ADAMTSL1: variants seen among roughly 807,000 people sequenced by gnomAD.
ADAMTSL1 encodes the protein ADAMTS-like protein 1.
ADAMTSL1 carries 126 observed loss-of-function variants against 201.8 expected under a neutral mutation model. The ratio of observed to expected loss-of-function variants is 0.62; its 90% confidence interval spans 0.54 to 0.72. The LOEUF is 0.72. Among genes scored for constraint, ADAMTSL1 ranks in the 30% least tolerant of loss-of-function variants. The pLI is 0.00. For missense variants in ADAMTSL1, 2,679 were observed against 2,277.8 expected (o/e 1.18, Z -3.59); for synonymous variants, 1,121 against 903.4 (o/e 1.24, Z -4.32).
At chr9:18,784,822 G>T (rs544533585) in intron 19 of ADAMTSL1, among the ~76,000 whole-genome samples, 1 of 152,176 alleles carries the variant, frequency 6.6e-6, no homozygotes, top group Admixed American at 6.5e-5. Context: ...TATTGGAGTT[G>T]AAGCACGGAG....
intron 2 of ADAMTSL1, among the ~76,000 whole-genome samples, chr9:18,395,701 C>T (rs1817726635): frequency 6.6e-6 from 1 of 152,148 alleles, no homozygotes; most frequent in Non-Finnish European, 1.5e-5. Flanking sequence ...TCAAAGACCT[C>T]TGAGCCTGTG....
chr9:18,430,754 T>C (rs1237581836), intron 2 of ADAMTSL1, among the ~76,000 whole-genome samples: 4 of 152,124 alleles, frequency 2.6e-5, no homozygotes, highest in Non-Finnish European at 4.4e-5. Flanking sequence ...AGAACGAAAA[T>C]TGTACATCTC....
At chr9:18,199,682 A>T (rs1337378986) in intron 2 of ADAMTSL1, among the ~76,000 whole-genome samples, 1 of 152,084 alleles carries the variant, frequency 6.6e-6, no homozygotes, top group African/African-American at 2.4e-5. Flanking sequence ...AAATAAGCTG[A>T]TGCTGGTGGA....
At chr9:18,034,193 C>A (rs2131615364) in intron 1 of ADAMTSL1, among the ~76,000 whole-genome samples, 1 of 152,124 alleles carries the variant, frequency 6.6e-6, no homozygotes, top group Middle Eastern at 3.4e-3. Flanking sequence ...AACACTTTTT[C>A]TCACCCTTCT....
Position 18,684,894 on chromosome 9 carries a change from C to T in ADAMTSL1, c.1574+94C>T. 3 of 1,481,812 alleles carry T rather than the reference C, an allele frequency of 2.0e-6. No homozygotes were observed. In the South Asian group the frequency reaches 4.2e-5, roughly 21 times the overall value. 91.8% of individuals were successfully genotyped at this position (1,481,812 alleles called of 1,614,324 possible). A position where few individuals can be genotyped will look rare whatever the true frequency, so the allele number is the denominator to read the frequency against. On this transcript the variant is annotated intron_variant, in intron 13 of 28. Coordinates refer to ENST00000380548, the MANE Select transcript of ADAMTSL1 (RefSeq NM_001040272.6). ...GGTTGTAGCTTTCATGGGTTCTGAA[C>T]TAAGTGTAATCATCTCACCAAAGCT...
At chr9:18,559,161 T>C (rs1465849047) in intron 3 of ADAMTSL1, among the ~76,000 whole-genome samples, 1 of 152,170 alleles carries the variant, frequency 6.6e-6, no homozygotes, top group Admixed American at 6.6e-5. Context: ...TAAGTCTTAT[T>C]CCATCTTGAG....
chr9:18,099,254 A>C (rs1405183560), intron 1 of ADAMTSL1, among the ~76,000 whole-genome samples: 1 of 146,284 alleles, frequency 6.8e-6, no homozygotes, highest in East Asian at 2.0e-4. Context: ...GTTGCTCCTG[A>C]AAAATCTGAT....
chr9:17,907,923 G>A (rs1450683107), intron 1 of ADAMTSL1, among the ~76,000 whole-genome samples: 1 of 152,128 alleles, frequency 6.6e-6, no homozygotes, highest in Non-Finnish European at 1.5e-5. Context: ...ACTCTTGGCC[G>A]GAATTACCGC....
intron 1 of ADAMTSL1, among the ~76,000 whole-genome samples, chr9:18,053,725 C>T (rs552340406): frequency 3.8e-4 from 58 of 152,262 alleles, no homozygotes; most frequent in African/African-American, 1.3e-3. Context: ...TATTTACTGA[C>T]CACTCACAAT....
rs574807924 is a variant in ADAMTSL1 at position 18,207,137 on chromosome 9, C to T, written c.207+43156C>T. Among the ~76,000 whole-genome samples the T allele has an allele frequency of 1.5e-4, 22 of 151,222 alleles. No homozygotes were observed. In the East Asian group the frequency reaches 3.7e-3, roughly 25 times the overall value. ...CTGAGATCCCACCATTGTACTCCAG[C>T]CTGGGTGATAAGAGTGAAACTCCAT... On this transcript the variant is annotated intron_variant, in intron 2 of 29. Transcript: ENST00000680146.
At chr9:18,130,435 A>G (rs1202464550) in intron 1 of ADAMTSL1, among the ~76,000 whole-genome samples, 1 of 152,168 alleles carries the variant, frequency 6.6e-6, no homozygotes, top group Admixed American at 6.5e-5. Flanking sequence ...GGCTGTCACA[A>G]TGACATTTCT....
intron 2 of ADAMTSL1, among the ~76,000 whole-genome samples, chr9:18,443,790 C>T (rs1248737473): frequency 1.3e-5 from 2 of 152,108 alleles, no homozygotes; most frequent in African/African-American, 2.4e-5. Flanking sequence ...TCTGTTAAAA[C>T]GATCTTAGAA....
intron 2 of ADAMTSL1, among the ~76,000 whole-genome samples, chr9:18,320,311 A>G (rs1322809830): frequency 6.6e-6 from 1 of 152,210 alleles, no homozygotes; most frequent in Non-Finnish European, 1.5e-5. Flanking sequence ...GTTTGTGGTA[A>G]TTTGTTATGG....
intron 20 of ADAMTSL1, among the ~76,000 whole-genome samples, chr9:18,806,812 G>A (rs943203742): frequency 6.6e-6 from 1 of 152,188 alleles, no homozygotes; most frequent in African/African-American, 2.4e-5. Context: ...TCAAAATGGT[G>A]CCTGGTTGGC....
chr9:17,979,996 C>G (rs1818622773), intron 1 of ADAMTSL1, among the ~76,000 whole-genome samples: 1 of 152,102 alleles, frequency 6.6e-6, no homozygotes, highest in African/African-American at 2.4e-5. Flanking sequence ...CATTGAAATT[C>G]AATAGGGTGA....
chr9:18,409,339 C>T (rs369270415), intron 2 of ADAMTSL1, among the ~76,000 whole-genome samples: 4 of 141,208 alleles, frequency 2.8e-5, no homozygotes, highest in Admixed American at 7.4e-5. Context: ...ACCAAGATTG[C>T]GCCCCTGCAC....
chr9:18,776,044 A>G (rs1820966532), intron 18 of ADAMTSL1, 148 bp downstream of exon 18: 1 of 1,117,438 alleles, frequency 8.9e-7, no homozygotes, highest in Non-Finnish European at 1.2e-6. Flanking sequence ...AGGAGAGCTC[A>G]GCTGGAGACG....
At chr9:18,468,510 C>A (rs1219857721) in intron 2 of ADAMTSL1, among the ~76,000 whole-genome samples, 1 of 152,082 alleles carries the variant, frequency 6.6e-6, no homozygotes, top group Non-Finnish European at 1.5e-5. Flanking sequence ...AGGCTCTGAG[C>A]TAAACACTCT....
chr9:18,845,010 C>T (rs963465221), intron 23 of ADAMTSL1, among the ~76,000 whole-genome samples: 7 of 152,258 alleles, frequency 4.6e-5, no homozygotes, highest in African/African-American at 1.4e-4. Flanking sequence ...CAATGCCTCG[C>T]CCTGCTTCGG....
Sources: allele counts gnomAD v4.1 joint callset (sites outside exome capture counted in the v4.1 genomes callset), GRCh38; gene constraint gnomAD v4.1.1; transcripts MANE v1.5; gene names NCBI Gene and HGNC (gene_info 2026-07-23, HGNC 2026-07-21).